The following GAS7 variants were observed in gnomAD, a reference collection of about 807,000 sequenced individuals.
The protein encoded by GAS7 is growth arrest specific 7, also known as growth arrest-specific protein 7.
GAS7 carries 28 observed loss-of-function variants against 71.1 expected under a neutral mutation model. The observed-to-expected ratio is 0.39, with a 90% CI of 0.29 to 0.54. The LOEUF (loss-of-function observed/expected upper bound fraction) is 0.54. Among genes scored for constraint, GAS7 ranks in the 20% least tolerant of loss-of-function variants. GAS7 has a pLI of 0.62. For missense variants in GAS7, 436 were observed against 627.8 expected (o/e 0.69, Z 3.27); for synonymous variants, 258 against 245.8 (o/e 1.05, Z -0.46).
intron 2 of GAS7, among the ~76,000 whole-genome samples, chr17:9,989,097 T>C (rs951202579): frequency 6.6e-6 from 1 of 151,984 alleles, no homozygotes; most frequent in Non-Finnish European, 1.5e-5. Flanking sequence ...GATCCGTCTG[T>C]CTCAGCCTCC....
chr17:9,996,699 C>T (rs1255727092), intron 2 of GAS7, among the ~76,000 whole-genome samples: 4 of 151,304 alleles, frequency 2.6e-5, no homozygotes, highest in Non-Finnish European at 4.4e-5. Flanking sequence ...AGTACAGTGG[C>T]GTGATCTTGG....
rs2067531882 is a variant in GAS7 at position 9,914,592 on chromosome 17, T to A, written c.*2636A>T. 4.8e-6 allele frequency: 1 copy of A among 207,294 alleles called. No individual in the cohort carries two copies. Among genetic ancestry groups the A allele is most frequent in the East Asian group, 7.3e-5 (1 of 13,642 alleles). 12.8% of individuals were successfully genotyped at this position (207,294 alleles called of 1,614,324 possible). ...TGAAATTCGAATTGGATATGGGCCG[T>A]GAGGGTCTGGTGACCAGGTGATTAA... On this transcript the variant is annotated 3_prime_UTR_variant, in exon 14 of 14. Coordinates refer to ENST00000432992, the MANE Select transcript of GAS7 (RefSeq NM_201433.2).
intron 1 of GAS7, among the ~76,000 whole-genome samples, chr17:10,125,574 T>C (rs1279191239): frequency 6.8e-6 from 1 of 146,128 alleles, no homozygotes; most frequent in African/African-American, 2.5e-5. Flanking sequence ...GTGTATAATA[T>C]GATCATAAAA....
At chr17:10,128,938 C>T (rs941379970) in intron 1 of GAS7, among the ~76,000 whole-genome samples, 4 of 151,966 alleles carry the variant, frequency 2.6e-5, no homozygotes, top group African/African-American at 9.7e-5. Context: ...TTTCTTTTTT[C>T]AAATTCCAAA....
At chr17:10,172,180 T>C (rs2904908) in intron 1 of GAS7, among the ~76,000 whole-genome samples, 105,135 of 152,074 alleles carry the variant, frequency 0.69, 36,698 homozygotes, top group East Asian at 0.81. Flanking sequence ...GCAAAAGACC[T>C]CAAAGCTATG....
chr17:10,163,568 A>G (rs1477870729), intron 1 of GAS7, among the ~76,000 whole-genome samples: 1 of 152,216 alleles, frequency 6.6e-6, no homozygotes, highest in Non-Finnish European at 1.5e-5. Context: ...GGCATCTAAC[A>G]TATTTTAAAT....
chr17:10,118,114 C>T (rs1442629204), intron 1 of GAS7, among the ~76,000 whole-genome samples: 1 of 152,086 alleles, frequency 6.6e-6, no homozygotes, highest in Non-Finnish European at 1.5e-5. Flanking sequence ...TGTTGCTCTC[C>T]AGGGCGTGGA....
intron 1 of GAS7, among the ~76,000 whole-genome samples, chr17:10,155,719 C>T (rs1345210096): frequency 6.6e-6 from 1 of 152,186 alleles, no homozygotes; most frequent in Admixed American, 6.5e-5. Context: ...GCCTTCATGA[C>T]AGTGTCGGAG....
In GAS7 at chr17:9,916,775, G is replaced by C. The variant is rs2067594682; in HGVS notation, c.*453C>G. 2.5e-6 allele frequency: 1 copy of C among 399,480 alleles called. No homozygotes were observed. Among genetic ancestry groups the C allele is most frequent in the East Asian group, 3.6e-5 (1 of 28,162 alleles). 24.7% of individuals were successfully genotyped at this position (399,480 alleles called of 1,614,324 possible). A position where few individuals can be genotyped will look rare whatever the true frequency, so the allele number is the denominator to read the frequency against. On this transcript the variant is annotated 3_prime_UTR_variant, in exon 14 of 14. Transcript: ENST00000432992. The stretch of plus-strand genomic sequence containing the variant: ...TCTGGGTGCGGCTGTGAGCTGAATG[G>C]CACCTTCTACCCATGATTCTGATCC...
At chr17:10,132,191 C>G (rs2074002585) in intron 1 of GAS7, among the ~76,000 whole-genome samples, 2 of 152,218 alleles carry the variant, frequency 1.3e-5, no homozygotes, top group Admixed American at 1.3e-4. Context: ...TGCTCACGTA[C>G]TCACAATTCT....
In GAS7 at chr17:10,020,161, T is replaced by C. The variant is rs1000039968; in HGVS notation, c.184-264A>G. 1.1e-5 allele frequency: 4 copies of C among 375,342 alleles called. No individual in the cohort carries two copies. The Admixed American group carries it at 1.6e-4, about 15-fold the overall frequency. The allele number at this position is 375,342 out of a possible 1,614,324, so 23.3% of individuals were successfully genotyped here. ...AGAGAGGAAAATGCCATTCAGCTAA[T>C]GGAGCTAGACTTTCTCCACGGCCCC... On this transcript the variant is annotated intron_variant, in intron 1 of 13. Transcript: ENST00000432992.
chr17:10,098,578 A>G (rs1157673873), intron 1 of GAS7, among the ~76,000 whole-genome samples: 1 of 152,208 alleles, frequency 6.6e-6, no homozygotes, highest in African/African-American at 2.4e-5. Context: ...ATTATATGCT[A>G]CAATAGGTAT....
rs78261249 is a variant in GAS7, at chr17:10,142,660, G to T, written c.183+55548C>A. Among the ~76,000 whole-genome samples the T allele has an allele frequency of 1.4e-3, 213 of 152,258 alleles. 7 individuals are homozygous for T. In the East Asian group the frequency reaches 0.032, roughly 23 times the overall value. On this transcript the variant is annotated intron_variant, in intron 1 of 13. Transcript: ENST00000432992. ...AGCCACCGTGCCTGGCCTATTAAAG[G>T]TTTAAAAACAGAAAACATAACATAA... is the stretch of plus-strand genomic sequence containing the variant.
Position 9,925,457 on chromosome 17 carries a change from G to C in GAS7, c.1138+19C>G. On this transcript the variant is annotated intron_variant, in intron 11 of 13. Transcript: ENST00000432992. Reference sequence around the variant, plus strand: ...CTTCTGTGTGCACTGACCAGGCCAGGCGGGTGCCCAGCACTTACCAGCCTG... The same window carrying C: ...CTTCTGTGTGCACTGACCAGGCCAGCCGGGTGCCCAGCACTTACCAGCCTG... 6.2e-7 allele frequency: 1 copy of C among 1,613,848 alleles called. No individual in the cohort carries two copies. The highest frequency in any genetic ancestry group is 1.3e-5 in the African/African-American group (1 of 75,058).
At chr17:10,032,219 C>T (rs1319687074) in intron 1 of GAS7, among the ~76,000 whole-genome samples, 1 of 152,116 alleles carries the variant, frequency 6.6e-6, no homozygotes, top group Admixed American at 6.5e-5. Flanking sequence ...AGGTAGACTC[C>T]TCCCAATAGC....
chr17:10,177,594 T>C (rs1332807726), intron 1 of GAS7, among the ~76,000 whole-genome samples: 5 of 152,128 alleles, frequency 3.3e-5, no homozygotes, highest in African/African-American at 1.2e-4. Flanking sequence ...CCTTCTCAGA[T>C]GGAGTATAGC....
At chr17:9,961,568 C>T (rs1395499095) in intron 4 of GAS7, among the ~76,000 whole-genome samples, 12 of 152,164 alleles carry the variant, frequency 7.9e-5, no homozygotes, top group African/African-American at 4.8e-5. Flanking sequence ...CAACAGCCTT[C>T]GAGTCTGCCT....
chr17:10,013,234 C>T (rs1344419914), intron 2 of GAS7, among the ~76,000 whole-genome samples: 1 of 152,170 alleles, frequency 6.6e-6, no homozygotes, highest in Non-Finnish European at 1.5e-5. Context: ...CTGCCAGCAC[C>T]TTGATCCTGG....
In GAS7 at chr17:9,919,152, C is replaced by T. The variant is rs911168323; in HGVS notation, c.1218+474G>A. Among the ~76,000 whole-genome samples, 5 of 147,272 alleles carry T rather than the reference C, an allele frequency of 3.4e-5. No homozygotes were observed. Among genetic ancestry groups the T allele is most frequent in the Non-Finnish European group, 4.5e-5 (3 of 66,214 alleles). On this transcript the variant is annotated intron_variant, in intron 12 of 13. Transcript: ENST00000432992. The surrounding 1 kb of genome is among the most constrained non-coding windows in gnomAD (Gnocchi z 5.0). ...ATACTCAAGAGCATCATCGGCCCTG[C>T]CGCCTGTTGTTCACCCTTGGTGAGA...
Sources: allele counts gnomAD v4.1 joint callset (sites outside exome capture counted in the v4.1 genomes callset), GRCh38; gene constraint gnomAD v4.1.1; non-coding constraint Gnocchi (gnomAD v3.1); transcripts MANE v1.5; gene names NCBI Gene and HGNC (gene_info 2026-07-23, HGNC 2026-07-21).